BMP1: variants seen among roughly 807,000 people sequenced by gnomAD.
The protein encoded by BMP1 is bone morphogenetic protein 1.
In BMP1, 63 loss-of-function variants were observed where a neutral mutation model predicts 116.8. That is an observed-to-expected ratio of 0.54 (90% CI 0.44 to 0.67). The LOEUF is 0.67. Ranked by LOEUF, BMP1 falls within the 30% of genes least tolerant of loss-of-function variation. The pLI, the probability that BMP1 is intolerant of heterozygous loss-of-function variation, is 0.00. For missense variants in BMP1, 1,183 were observed against 1,358.9 expected, an observed-to-expected ratio of 0.87 and a Z score of 2.04; for synonymous variants, 536 against 533.4, an observed-to-expected ratio of 1.00 and a Z score of -0.07.
intron 18 of BMP1, among the ~76,000 whole-genome samples, chr8:22,207,916 C>T (rs945634444): frequency 1.3e-5 from 2 of 151,916 alleles, no homozygotes; most frequent in Non-Finnish European, 2.9e-5. Context: ...TGGAGTCTTG[C>T]TCTGTCGCCC....
At chr8:22,196,218 G>GGACA in intron 13 of BMP1, 1 of 525,232 alleles carries the variant, frequency 1.9e-6, no homozygotes, top group South Asian at 1.4e-5. Flanking sequence ...CCCTGTTGTG[G>GGACA]GACAGACACT....
At position 22,165,420 on chromosome 8, in the gene BMP1, C is replaced by T. The variant is rs1433193772; in HGVS notation, c.15C>T (p.Ala5=). Residue 5 remains alanine, a synonymous_variant, in exon 1 of 20, where the codon GCC becomes GCT. Transcript: ENST00000306385. The stretch of plus-strand genomic sequence containing the variant: ...GCCCCGCCAGCATGCCCGGCGTGGC[C>T]CGCCTGCCGCTGCTGCTCGGGCTGC... MPGV[A]RLPLLLGLLL... is the part of the protein sequence containing the mutation. 6.5e-7 allele frequency: 1 copy of T among 1,537,258 alleles called. No homozygotes were observed. Among genetic ancestry groups the T allele is most frequent in the South Asian group, 1.2e-5 (1 of 82,058 alleles).
intron 8 of BMP1, among the ~76,000 whole-genome samples, chr8:22,184,461 C>T (rs1828710849): frequency 6.6e-6 from 1 of 152,140 alleles, no homozygotes; most frequent in Non-Finnish European, 1.5e-5. Context: ...TATAAAAATT[C>T]CAGATTAATC....
intron 8 of BMP1, among the ~76,000 whole-genome samples, chr8:22,185,319 G>A (rs183201237): frequency 7.2e-5 from 11 of 152,034 alleles, no homozygotes; most frequent in African/African-American, 2.7e-4. Context: ...GGGCATGGTG[G>A]TGCATGCCTG....
intron 15 of BMP1, among the ~76,000 whole-genome samples, chr8:22,198,018 C>G (rs1258995900): frequency 6.6e-6 from 1 of 152,186 alleles, no homozygotes; most frequent in Non-Finnish European, 1.5e-5. Context: ...GACCCCATCT[C>G]TATAAAAAAG....
chr8:22,201,494 C>T (rs2131896295), intron 15 of BMP1: 2 of 1,400,776 alleles, frequency 1.4e-6, no homozygotes, highest in East Asian at 2.8e-5. Flanking sequence ...TCTGCTTGTC[C>T]ATGTGTCTAT....
chr8:22,178,284 A>G (rs943885173), intron 6 of BMP1, among the ~76,000 whole-genome samples: 6 of 152,174 alleles, frequency 3.9e-5, no homozygotes, highest in Admixed American at 3.3e-4. Context: ...TTTGTGGGCC[A>G]TTTGTTTGTT....
intron 19 of BMP1, among the ~76,000 whole-genome samples, chr8:22,210,468 T>TCTCTCTCTCTCACA (rs10664439): frequency 3.0e-5 from 4 of 135,566 alleles, no homozygotes; most frequent in African/African-American, 1.2e-4. Context: ...TCTCTCTCTC[T>TCTCTCTCTCTCACA]CACACACATA....
At chr8:22,189,720 G>C (rs997743621) in intron 8 of BMP1, among the ~76,000 whole-genome samples, 6 of 151,938 alleles carry the variant, frequency 3.9e-5, no homozygotes, top group African/African-American at 1.2e-4. Flanking sequence ...TCTTGCCTCA[G>C]CCTCTCAAAA....
In BMP1 at chr8:22,194,278, G is replaced by A. The variant is rs569369176; in HGVS notation, c.1297+104G>A. On this transcript the variant is annotated intron_variant, in intron 10 of 19. Transcript: ENST00000306385. This position sits in a 1 kb window ranked among gnomAD's most constrained non-coding sequence, Gnocchi z 4.5. The stretch of plus-strand genomic sequence containing the variant: ...GAGGGGCAAGATTGTGGGTTCCCAA[G>A]GGAAGAAGCAGAGAGAATGATGGGA... The A allele has an allele frequency of 6.0e-5, 88 of 1,472,952 alleles. No homozygotes were observed. The Middle Eastern group carries it at 1.4e-3, about 23-fold the overall frequency. 91.2% of individuals were successfully genotyped at this position (1,472,952 alleles called of 1,614,324 possible).
At position 22,199,711 on chromosome 8, in the gene BMP1, ATGT is replaced by A. The variant is rs367941562; in HGVS notation, c.2108-2088_2108-2086del. Among the ~76,000 whole-genome samples, 47 of 152,172 alleles carry A rather than the reference ATGT, an allele frequency of 3.1e-4. 1 individual carries two copies. Among genetic ancestry groups the A allele is most frequent in the African/African-American group, 7.5e-4 (31 of 41,520 alleles). ...AAAGCTTCTAGCACAGTCACTGGAGATGTTGTCCTTAGTGAACCCCAGGATGGC... is the reference window on the plus strand; with the variant it reads ...AAAGCTTCTAGCACAGTCACTGGAGATGTCCTTAGTGAACCCCAGGATGGC... On this transcript the variant is annotated intron_variant, in intron 15 of 19. Transcript: ENST00000306385.
intron 8 of BMP1, among the ~76,000 whole-genome samples, chr8:22,191,719 C>G (rs1388214762): frequency 6.6e-6 from 1 of 152,242 alleles, no homozygotes; most frequent in African/African-American, 2.4e-5. Flanking sequence ...TCACGCGGCC[C>G]TTGGCCCTTC....
At position 22,196,746 on chromosome 8, in the gene BMP1, A is replaced by G. The variant is rs1586463564; in HGVS notation, c.1832A>G (p.Tyr611Cys). The change falls in exon 14 of 20, where the codon TAC becomes TGC. Residue 611 changes from tyrosine (Y) to cysteine (C), a missense_variant. By Grantham distance (194) the Tyr-to-Cys change is radical (BLOSUM62 -2). Coordinates refer to ENST00000306385, the MANE Select transcript of BMP1 (RefSeq NM_006129.5). ...ACCAGCCCGGGCTGGCCCAAGGAGT[A>G]CCCCCCCAACAAGAACTGCATCTGG... ...SITSPGWPKE[Y>C]PPNKNCIWQL... is the part of the protein sequence containing the mutation. 6.2e-7 allele frequency: 1 copy of G among 1,611,536 alleles called. No homozygotes were observed. The highest frequency in any genetic ancestry group is 8.5e-7 in the Non-Finnish European group (1 of 1,179,290).
rs1360044051 is a variant in BMP1 at position 22,194,991 on chromosome 8, A to T, written c.1639+72A>T. The T allele has an allele frequency of 1.4e-6, 2 of 1,461,898 alleles. No individual in the cohort carries two copies. The highest frequency in any genetic ancestry group is 2.3e-5 in the East Asian group (1 of 44,014). 90.6% of individuals were successfully genotyped at this position (1,461,898 alleles called of 1,614,324 possible). Reference sequence around the variant, plus strand: ...TCATCCCTTCTTCACTCACTCATTCAACACGGAGACTCCAGGAGGCATATT... The same window carrying T: ...TCATCCCTTCTTCACTCACTCATTCTACACGGAGACTCCAGGAGGCATATT... On this transcript the variant is annotated intron_variant, in intron 12 of 19. Transcript: ENST00000306385. The surrounding 1 kb of genome is among the most constrained non-coding windows in gnomAD (Gnocchi z 4.5).
chr8:22,186,690 C>T (rs748797809), intron 8 of BMP1, among the ~76,000 whole-genome samples: 5 of 152,068 alleles, frequency 3.3e-5, no homozygotes, highest in Admixed American at 6.6e-5. Flanking sequence ...TCGTCTTGAA[C>T]TCCTGACCTC....
chr8:22,165,888 T>C (rs1273751313), intron 1 of BMP1, among the ~76,000 whole-genome samples: 21 of 116,814 alleles, frequency 1.8e-4, no homozygotes, highest in African/African-American at 5.6e-4. Flanking sequence ...CGTGCGTGTG[T>C]GTGTGTGTGT....
intron 16 of BMP1, among the ~76,000 whole-genome samples, chr8:22,203,361 G>A (rs62494055): frequency 0.16 from 23,748 of 152,124 alleles, 1,954 homozygotes; most frequent in African/African-American, 0.19. Flanking sequence ...TTCAAGACCA[G>A]CCTGGCCAGC....
At chr8:22,195,344 G>A (rs1411175656) in intron 12 of BMP1, 118 bp from the exon 13 acceptor site, 1 of 1,310,098 alleles carries the variant, frequency 7.6e-7, no homozygotes, top group East Asian at 2.5e-5. Context: ...AGGCTCTGTG[G>A]GGTTCCAGCC....
rs781671106 is a variant in BMP1, at chr8:22,194,245, TG to T, written c.1297+73del. The T allele has an allele frequency of 1.4e-4, 215 of 1,510,946 alleles. No individual in the cohort carries two copies. Among genetic ancestry groups the T allele is most frequent in the Non-Finnish European group, 1.8e-4 (196 of 1,087,758 alleles). The allele number at this position is 1,510,946 out of a possible 1,614,324, so 93.6% of individuals were successfully genotyped here. A position where few individuals can be genotyped will look rare whatever the true frequency, so the allele number is the denominator to read the frequency against. ...TGGGCATGGTAAAACAACTCCCTCC[TG>T]GCACCTGAGGGGCAAGATTGTGGGT... On this transcript the variant is annotated intron_variant, in intron 10 of 19. Coordinates refer to ENST00000306385, the MANE Select transcript of BMP1 (RefSeq NM_006129.5). The surrounding 1 kb of genome is among the most constrained non-coding windows in gnomAD (Gnocchi z 4.5).
Sources: allele counts gnomAD v4.1 joint callset (sites outside exome capture counted in the v4.1 genomes callset), GRCh38; gene constraint gnomAD v4.1.1; non-coding constraint Gnocchi (gnomAD v3.1); transcripts MANE v1.5; gene names NCBI Gene and HGNC (gene_info 2026-07-23, HGNC 2026-07-21).